DCC: variants seen among roughly 807,000 people sequenced by gnomAD.
DCC encodes the protein DCC netrin 1 receptor, also known as netrin receptor DCC.
Under a neutral mutation model 172.5 loss-of-function variants are expected in DCC, and 58 were observed. The observed-to-expected ratio is 0.34, with a 90% CI of 0.27 to 0.42. DCC has a LOEUF of 0.42. Ranked by LOEUF, DCC falls within the 10% of genes least tolerant of loss-of-function variation. DCC has a pLI of 1.00. For synonymous variants in DCC, 709 were observed against 644.5 expected (o/e 1.10, Z -1.52); for missense variants, 1,740 against 1,791.0 (o/e 0.97, Z 0.51).
In DCC at chr18:53,498,781, T is replaced by C. The variant is rs779268273; in HGVS notation, c.3899-517T>C. Among the ~76,000 whole-genome samples the C allele has an allele frequency of 5.1e-4, 77 of 152,190 alleles. 1 individual carries two copies. Among genetic ancestry groups the C allele is most frequent in the Admixed American group, 2.7e-3 (41 of 15,278 alleles). Reference sequence around the variant, plus strand: ...AGCTAGATGTGCCTCCATTTTGTTATGGAAGATAATGATAGTGGTTATTAT... The same window carrying C: ...AGCTAGATGTGCCTCCATTTTGTTACGGAAGATAATGATAGTGGTTATTAT... On this transcript the variant is annotated intron_variant, in intron 26 of 28. Transcript: ENST00000442544.
chr18:52,461,474 C>CA lies in DCC; in HGVS notation c.91+120597dup, dbSNP rs550100180. ...AACCAGTAATGCAGTCGTTTATTAT[C>CA]ATTATCACGTATTATATACTCTACA... On this transcript the variant is annotated intron_variant, in intron 1 of 28. Coordinates refer to ENST00000442544, the MANE Select transcript of DCC (RefSeq NM_005215.4). Among the ~76,000 whole-genome samples the CA allele has an allele frequency of 9.3e-5, 14 of 150,940 alleles. No homozygotes were observed. The South Asian group carries it at 2.7e-3, about 29-fold the overall frequency.
chr18:53,305,372 T>G (rs2057188170), intron 12 of DCC, among the ~76,000 whole-genome samples: 1 of 152,214 alleles, frequency 6.6e-6, no homozygotes, highest in Non-Finnish European at 1.5e-5. Context: ...ATTCAATCAA[T>G]CAAAGGAAAT....
At chr18:52,611,864 G>A (rs1388911370) in intron 1 of DCC, among the ~76,000 whole-genome samples, 1 of 152,214 alleles carries the variant, frequency 6.6e-6, no homozygotes, top group Admixed American at 6.5e-5. Flanking sequence ...TCAGTGTGCT[G>A]TGGGGTAGTA....
intron 1 of DCC, among the ~76,000 whole-genome samples, chr18:52,638,270 A>G (rs879701522): frequency 2.0e-5 from 3 of 147,046 alleles, no homozygotes; most frequent in Non-Finnish European, 4.5e-5. Flanking sequence ...TAAAAAGCAA[A>G]AACAAAAAAC....
intron 22 of DCC, among the ~76,000 whole-genome samples, chr18:53,443,085 A>G (rs1325973977): frequency 6.6e-6 from 1 of 152,210 alleles, no homozygotes; most frequent in Non-Finnish European, 1.5e-5. Context: ...AGCTAAGATA[A>G]TTGATGAAGG....
intron 2 of DCC, among the ~76,000 whole-genome samples, chr18:52,804,986 A>G (rs1175422219): frequency 6.6e-6 from 1 of 152,032 alleles, no homozygotes; most frequent in Non-Finnish European, 1.5e-5. Flanking sequence ...TTTCATCAGG[A>G]TAGATTTTTT....
chr18:52,411,058 C>G (rs1266013076), intron 1 of DCC, among the ~76,000 whole-genome samples: 19 of 152,150 alleles, frequency 1.2e-4, no homozygotes, highest in Non-Finnish European at 2.6e-4. Flanking sequence ...TCATATATAA[C>G]ATTCCACCTT....
At chr18:52,943,048 C>T (rs768305058) in intron 5 of DCC, among the ~76,000 whole-genome samples, 7 of 152,046 alleles carry the variant, frequency 4.6e-5, no homozygotes, top group Non-Finnish European at 1.0e-4. Context: ...ATTATTTCCT[C>T]TTTGTTATTT....
chr18:52,769,523 G>T (rs2037306278), intron 2 of DCC, among the ~76,000 whole-genome samples: 1 of 152,116 alleles, frequency 6.6e-6, no homozygotes, highest in Non-Finnish European at 1.5e-5. Context: ...TCTGGAGCTT[G>T]TGTCTTCATT....
At chr18:53,171,732 C>G (rs752222679) in intron 8 of DCC, among the ~76,000 whole-genome samples, 7 of 152,046 alleles carry the variant, frequency 4.6e-5, no homozygotes, top group Middle Eastern at 3.4e-3. Context: ...TAAACAGATA[C>G]TTCTCAAAAG....
At chr18:53,312,785 G>A (rs1332391660) in intron 13 of DCC, among the ~76,000 whole-genome samples, 4 of 132,644 alleles carry the variant, frequency 3.0e-5, no homozygotes, top group Admixed American at 8.2e-5. Context: ...GTCCAGCCTG[G>A]GCGACAGAGC....
At chr18:53,223,285 T>A (rs193009374) in intron 12 of DCC, among the ~76,000 whole-genome samples, 138 of 152,292 alleles carry the variant, frequency 9.1e-4, no homozygotes, top group Non-Finnish European at 1.3e-3. Context: ...TTGCAGTCAC[T>A]GCCATTGAGT....
intron 1 of DCC, among the ~76,000 whole-genome samples, chr18:52,699,120 T>G (rs1939710662): frequency 6.6e-6 from 1 of 152,186 alleles, no homozygotes; most frequent in Admixed American, 6.5e-5. Flanking sequence ...TTCACAGAAT[T>G]ACAACAAGGT....
At chr18:53,404,681 C>T (rs1390846647) in intron 19 of DCC, among the ~76,000 whole-genome samples, 1 of 151,428 alleles carries the variant, frequency 6.6e-6, no homozygotes, top group Non-Finnish European at 1.5e-5. Context: ...CAGTGAGCCC[C>T]GTTCGCGCTA....
chr18:53,165,423 G>T (rs2144421746), intron 8 of DCC, among the ~76,000 whole-genome samples: 1 of 152,100 alleles, frequency 6.6e-6, no homozygotes, highest in East Asian at 1.9e-4. Context: ...CCGCTCTTCA[G>T]AGTTGAGGAC....
At chr18:52,992,517 GTTC>G (rs1458623995) in intron 5 of DCC, among the ~76,000 whole-genome samples, 1 of 152,156 alleles carries the variant, frequency 6.6e-6, no homozygotes, top group Non-Finnish European at 1.5e-5. Context: ...TCTTTATCCA[GTTC>G]TTCTACGGCT....
chr18:52,494,838 T>G (rs947931898), intron 1 of DCC, among the ~76,000 whole-genome samples: 1 of 152,138 alleles, frequency 6.6e-6, no homozygotes, highest in African/African-American at 2.4e-5. Flanking sequence ...AATTGCATGT[T>G]AGTAATATTA....
chr18:53,358,821 TA>T (rs2057911648), intron 15 of DCC, among the ~76,000 whole-genome samples: 1 of 152,084 alleles, frequency 6.6e-6, no homozygotes, highest in South Asian at 2.1e-4. Flanking sequence ...CACCCAGCCA[TA>T]AGACATATTA....
In DCC at chr18:53,403,419, C is replaced by T. The variant is rs567695873; in HGVS notation, c.2935+526C>T. On this transcript the variant is annotated intron_variant, in intron 19 of 28. Transcript: ENST00000442544. ...TTAATATTGACTGACAGAAATTGAA[C>T]ATAATGAATATTTCACAGTGACAGA... is the stretch of plus-strand genomic sequence containing the variant. 3.9e-5 allele frequency among the ~76,000 whole-genome samples: 6 copies of T among 152,236 alleles called. No individual in the cohort carries two copies. In the South Asian group the frequency reaches 1.2e-3, roughly 32 times the overall value.
Sources: gnomAD v4.1 joint callset for allele counts (sites outside exome capture counted in the v4.1 genomes callset) on GRCh38, gnomAD v4.1.1 for gene constraint, MANE v1.5 for transcripts, NCBI Gene and HGNC (gene_info 2026-07-23, HGNC 2026-07-21) for gene names.